FGD1: variants seen among roughly 807,000 people sequenced by gnomAD.
FGD1 encodes FYVE, RhoGEF and PH domain containing 1, also known as FYVE, RhoGEF and PH domain-containing protein 1.
In FGD1, 12 loss-of-function variants were observed where a neutral mutation model predicts 65.0. The ratio of observed to expected loss-of-function variants is 0.18; its 90% CI spans 0.12 to 0.30. The LOEUF is 0.30. Among genes scored for constraint, FGD1 ranks in the 10% least tolerant of loss-of-function variants. The pLI is 1.00. For missense variants in FGD1, 542 were observed against 837.6 expected (o/e 0.65, Z 4.36); for synonymous variants, 333 against 343.9 (o/e 0.97, Z 0.35).
chrX:54,484,142 C>T (rs961922040), intron 1 of FGD1, among the ~76,000 whole-genome samples: 2 of 112,269 alleles, frequency 1.8e-5, no homozygotes, highest in African/African-American at 6.5e-5. Flanking sequence ...CGAAAGTGCT[C>T]TCTTCCGCCT....
rs770106297 is a variant in FGD1, at chrX:54,449,107, C to A, written c.2274+36G>T. ...TGGGCCTTTGGGCTGCCATTCTGTC[C>A]CCTCCCTAGCTCTGCCCCTGCCTCC... On this transcript the variant is annotated intron_variant, in intron 15 of 17. Transcript: ENST00000375135. The A allele has an allele frequency of 1.7e-6, 2 of 1,211,665 alleles. No individual in the cohort carries two copies. Among genetic ancestry groups the A allele is most frequent in the Non-Finnish European group, 1.1e-6 (1 of 895,202 alleles).
rs908100929 is a variant in FGD1 at position 54,496,014 on chromosome X, T to A, written c.-582A>T. The A allele has an allele frequency of 8.9e-6, 1 of 112,113 alleles. No individual in the cohort carries two copies. Among genetic ancestry groups the A allele is most frequent in the African/African-American group, 3.2e-5 (1 of 30,810 alleles). 9.2% of individuals were successfully genotyped at this position (112,113 alleles called of 1,213,427 possible). Reference sequence around the variant, plus strand: ...GAACGGCGGTGGCCGGGGGCGCGCGTGTGCGCTGCGCTTGGGCTGCGGGGC... The same window carrying A: ...GAACGGCGGTGGCCGGGGGCGCGCGAGTGCGCTGCGCTTGGGCTGCGGGGC... On this transcript the variant is annotated 5_prime_UTR_variant, in exon 1 of 18. Coordinates refer to ENST00000375135, the MANE Select transcript of FGD1 (RefSeq NM_004463.3).
intron 1 of FGD1, among the ~76,000 whole-genome samples, chrX:54,489,376 G>A (rs1923364391): frequency 8.9e-6 from 1 of 112,011 alleles, no homozygotes; most frequent in South Asian, 3.7e-4. Flanking sequence ...CAGGTCAGGA[G>A]TTCGAGACCA....
intron 8 of FGD1, among the ~76,000 whole-genome samples, chrX:54,457,556 C>T (rs1194298878): frequency 3.6e-5 from 4 of 111,671 alleles, no homozygotes; most frequent in Non-Finnish European, 7.5e-5. Context: ...CATTAAACAA[C>T]CTTTACAAAT....
chrX:54,481,848 G>A (rs1165264036), intron 1 of FGD1, among the ~76,000 whole-genome samples: 1 of 109,525 alleles, frequency 9.1e-6, no homozygotes, highest in East Asian at 2.9e-4. Context: ...TTTGCAAGAA[G>A]GCTCCACAGC....
At position 54,470,197 on chromosome X, in the gene FGD1, C is replaced by T; in HGVS notation, c.920G>A (p.Ser307Asn). The T allele has an allele frequency of 8.3e-7, 1 of 1,208,086 alleles. No individual in the cohort carries two copies. Among genetic ancestry groups the T allele is most frequent in the Non-Finnish European group, 1.1e-6 (1 of 893,609 alleles). Residue 307 changes from serine to asparagine, a missense_variant, in exon 4 of 18, where the codon AGC becomes AAC. Around this residue, in one of 6 missense-constraint regions of FGD1, gnomAD observed 297 missense variants for 326.8 expected, o/e 0.91. Coordinates refer to ENST00000375135, the MANE Select transcript of FGD1 (RefSeq NM_004463.3). ...TCFVSDDGPP[S>N]HSLCPGPPAL... ...AGGGGGCCCAGGGCAGAGGCTGTGGCTGGGGGGCCCGTCATCACTGACGAA... is the reference window on the plus strand; with the variant it reads ...AGGGGGCCCAGGGCAGAGGCTGTGGTTGGGGGGCCCGTCATCACTGACGAA...
intron 1 of FGD1, among the ~76,000 whole-genome samples, chrX:54,482,226 G>A (rs66722517): frequency 0.013 from 1,198 of 91,156 alleles, 9 homozygotes; most frequent in African/African-American, 0.05. Context: ...ACATGCGCGC[G>A]CACACGCGCG....
At chrX:54,485,869 G>A (rs1923260050) in intron 1 of FGD1, among the ~76,000 whole-genome samples, 1 of 109,771 alleles carries the variant, frequency 9.1e-6, no homozygotes, top group Non-Finnish European at 1.9e-5. Flanking sequence ...CCACCTCCTG[G>A]GTTCAAGCAA....
intron 10 of FGD1, among the ~76,000 whole-genome samples, chrX:54,455,993 C>G (rs1264736740): frequency 8.9e-6 from 1 of 112,297 alleles, no homozygotes; most frequent in Non-Finnish European, 1.9e-5. Flanking sequence ...CTCTGCAAGG[C>G]TTATTTGCCT....
At chrX:54,477,846 G>T (rs374648961) in intron 1 of FGD1, among the ~76,000 whole-genome samples, 68 of 111,675 alleles carry the variant, frequency 6.1e-4, no homozygotes, top group African/African-American at 2.2e-3. Flanking sequence ...TGGGCCAGGC[G>T]CAGTGGCTCA....
rs1402978014 is a variant in FGD1 at position 54,455,701 on chromosome X, A to G, written c.1926T>C (p.Asp642=). ...CCTCTTGGATGCTTACCTCCATGCC[A>G]TCTACATCAATGCGTGCCCGCACGC... is the stretch of plus-strand genomic sequence containing the variant. ...KFSVRARIDV[D]GMELKESSNL... The change falls in exon 11 of 18, where the codon GAT becomes GAC. Residue 642 remains aspartate (D), a synonymous_variant. Coordinates refer to ENST00000375135, the MANE Select transcript of FGD1 (RefSeq NM_004463.3). 8.4e-7 allele frequency: 1 copy of G among 1,191,326 alleles called. No homozygotes were observed. The highest frequency in any genetic ancestry group is 1.1e-6 in the Non-Finnish European group (1 of 883,525).
intron 1 of FGD1, among the ~76,000 whole-genome samples, chrX:54,493,067 G>T (rs187483461): frequency 1.9e-4 from 21 of 111,271 alleles, no homozygotes; most frequent in African/African-American, 6.9e-4. Context: ...TGAATTGGTG[G>T]ATTGGGAAGG....
rs181956121 is a variant in FGD1 at position 54,492,155 on chromosome X, G to A, written c.307+2971C>T. On this transcript the variant is annotated intron_variant, in intron 1 of 17. Transcript: ENST00000375135. ...TTCCCAGTGATCCAACAAGGACTTC[G>A]GTTTAATCAACCTGGAAAATGGGCA... Among the ~76,000 whole-genome samples, 406 of 111,446 alleles carry A rather than the reference G, an allele frequency of 3.6e-3. 1 individual carries two copies. The highest frequency in any genetic ancestry group is 5.7e-3 in the Non-Finnish European group (303 of 53,103).
rs1922164339 is a variant in FGD1, at chrX:54,446,192, T to C, written c.2803A>G (p.Arg935Gly). The C allele has an allele frequency of 8.3e-7, 1 of 1,210,161 alleles. No homozygotes were observed. Among genetic ancestry groups the C allele is most frequent in the African/African-American group, 1.7e-5 (1 of 57,365 alleles). ...GCCACCGGTGCCTCCTCCATCTCCC[T>C]GTCCTCAGACAGTGTGGGCCCCGGG... ...FCPGPTLSED[R>G]EMEEAPVAAL... Residue 935 changes from arginine to glycine, a missense_variant, in exon 18 of 18, where the codon AGG becomes GGG. Arg to Gly is a moderately radical substitution (Grantham distance 125). Around this residue, in one of 6 missense-constraint regions of FGD1, gnomAD observed 182 missense variants for 311.4 expected, o/e 0.58. Transcript: ENST00000375135.
Position 54,471,309 on chromosome X carries a change from C to G in FGD1, c.481+5G>C, listed in dbSNP as rs766792819. 9.1e-6 allele frequency: 11 copies of G among 1,209,045 alleles called. No homozygotes were observed. The Admixed American group carries it at 2.4e-4, about 26-fold the overall frequency. On this transcript the variant is annotated splice_donor_5th_base_variant and intron_variant, in intron 2 of 17. Transcript: ENST00000375135. Reference sequence around the variant, plus strand: ...ACTTCTCTGCTCTTTTCCAGGACCACTTACCCTGTGGCTTCGGGCCCGGTG... The same window carrying G: ...ACTTCTCTGCTCTTTTCCAGGACCAGTTACCCTGTGGCTTCGGGCCCGGTG...
At chrX:54,457,596 G>A (rs1922532121) in intron 8 of FGD1, among the ~76,000 whole-genome samples, 1 of 111,128 alleles carries the variant, frequency 9.0e-6, no homozygotes, top group African/African-American at 3.3e-5. Flanking sequence ...TAATAATCTG[G>A]GAAATGCTCA....
rs976496714 is a variant in FGD1 at position 54,470,235 on chromosome X, G to A, written c.882C>T (p.Ser294=). 3 of 1,203,258 alleles carry A rather than the reference G, an allele frequency of 2.5e-6. No individual in the cohort carries two copies. The highest frequency in any genetic ancestry group is 1.7e-5 in the African/African-American group (1 of 57,183). Reference sequence around the variant, plus strand: ...CATCACTGACGAAGCAGGTCTCCTCGCTGTTGGATGGCGAGCTGATGCTAT... The same window carrying A: ...CATCACTGACGAAGCAGGTCTCCTCACTGTTGGATGGCGAGCTGATGCTAT... ...GIDSISSPSN[S]EETCFVSDDG... Residue 294 remains serine (S), a synonymous_variant, in exon 4 of 18, where the codon AGC becomes AGT. Transcript: ENST00000375135.
chrX:54,468,184 C>T (rs1176028656), intron 5 of FGD1, among the ~76,000 whole-genome samples: 1 of 111,743 alleles, frequency 8.9e-6, no homozygotes, highest in East Asian at 2.8e-4. Flanking sequence ...AGATCTAACT[C>T]AAGTGCGAGG....
chrX:54,485,602 G>A (rs1304942633), intron 1 of FGD1, among the ~76,000 whole-genome samples: 2 of 110,775 alleles, frequency 1.8e-5, no homozygotes, highest in South Asian at 3.8e-4. Context: ...TCAAGTAGCT[G>A]TGACTACAGG....
Sources: allele counts gnomAD v4.1 joint callset (sites outside exome capture counted in the v4.1 genomes callset), GRCh38; gene constraint gnomAD v4.1.1; regional missense constraint gnomAD v4.1.1; transcripts MANE v1.5; gene names NCBI Gene and HGNC (gene_info 2026-07-23, HGNC 2026-07-21).